ADK: variants seen among roughly 807,000 people sequenced by gnomAD.
The protein encoded by ADK is N6,N6-dimethyladenosine kinase.
In ADK, 24 loss-of-function variants were observed where a neutral mutation model predicts 44.7. That is an observed-to-expected ratio of 0.54 (90% confidence interval 0.39 to 0.76). ADK has a LOEUF of 0.76. ADK is among the 30% of genes least tolerant of loss of function. The pLI is 0.00. For synonymous variants in ADK, 128 were observed against 142.6 expected (o/e 0.90, Z 0.73); for missense variants, 321 against 425.1 (o/e 0.76, Z 2.15).
At chr10:74,172,182 A>G (rs1442685054) in intron 1 of ADK, among the ~76,000 whole-genome samples, 2 of 137,492 alleles carry the variant, frequency 1.5e-5, no homozygotes, top group East Asian at 4.2e-4. Flanking sequence ...TCTATCTCTC[A>G]GGCTAGATTG....
chr10:74,662,263 C>G (rs2134172432), intron 9 of ADK, among the ~76,000 whole-genome samples: 1 of 152,200 alleles, frequency 6.6e-6, no homozygotes, highest in African/African-American at 2.4e-5. Flanking sequence ...AGTCCATTGT[C>G]CGTTCTCTAT....
rs545229612 is a variant in ADK, at chr10:74,428,997, T to C, written c.555+30418T>C. Among the ~76,000 whole-genome samples the C allele has an allele frequency of 9.2e-5, 14 of 152,256 alleles. No homozygotes were observed. In the South Asian group the frequency reaches 2.9e-3, roughly 32 times the overall value. On this transcript the variant is annotated intron_variant, in intron 6 of 10. Transcript: ENST00000539909. ...TGCATACATACAGAAAAAGAAAGAA[T>C]ACAACTGAACATAGATGATAAAGAA...
intron 2 of ADK, among the ~76,000 whole-genome samples, chr10:74,210,503 C>T (rs778143218): frequency 1.3e-5 from 2 of 151,474 alleles, no homozygotes; most frequent in East Asian, 1.9e-4. Context: ...CTAAAATGCC[C>T]GAAGTAGCTG....
chr10:74,196,454 C>A (rs144615411), intron 1 of ADK, among the ~76,000 whole-genome samples: 1 of 152,046 alleles, frequency 6.6e-6, no homozygotes, highest in African/African-American at 2.4e-5. Context: ...GCAGGAGAAT[C>A]GCTTGAACCT....
At chr10:74,372,139 A>T in intron 4 of ADK, 1 of 750,520 alleles carries the variant, frequency 1.3e-6, no homozygotes, top group Non-Finnish European at 2.4e-6. Context: ...CCTGATCTCT[A>T]CAGAGATCCT....
chr10:74,431,633 C>A (rs530938440), intron 6 of ADK, among the ~76,000 whole-genome samples: 1 of 151,910 alleles, frequency 6.6e-6, no homozygotes, highest in Admixed American at 6.6e-5. Context: ...CTCAGTTGCT[C>A]GGGAGGCTGA....
At chr10:74,488,590 T>A (rs947818978) in intron 6 of ADK, among the ~76,000 whole-genome samples, 1 of 150,586 alleles carries the variant, frequency 6.6e-6, no homozygotes, top group African/African-American at 2.4e-5. Context: ...CTTTTGTGAG[T>A]TTTTTTCCTT....
chr10:74,676,809 A>G (rs1255547745), intron 10 of ADK, among the ~76,000 whole-genome samples: 1 of 152,196 alleles, frequency 6.6e-6, no homozygotes, highest in African/African-American at 2.4e-5. Context: ...CTTTATTTTA[A>G]AAATCCTCAC....
At chr10:74,209,889 A>G (rs1260740394) in intron 2 of ADK, among the ~76,000 whole-genome samples, 1 of 152,164 alleles carries the variant, frequency 6.6e-6, no homozygotes, top group Non-Finnish European at 1.5e-5. Flanking sequence ...GGAGGTATGT[A>G]TTAATAGGGA....
chr10:74,670,639 AG>A (rs1335609960), intron 10 of ADK, among the ~76,000 whole-genome samples: 1 of 152,204 alleles, frequency 6.6e-6, no homozygotes, highest in Admixed American at 6.5e-5. Context: ...AATATTAAAC[AG>A]TATGCTAATA....
chr10:74,223,427 GTCAAATAT>G (rs898818939), intron 2 of ADK, among the ~76,000 whole-genome samples: 1 of 152,192 alleles, frequency 6.6e-6, no homozygotes, highest in African/African-American at 2.4e-5. Flanking sequence ...TTTGAGGGGG[GTCAAATAT>G]TCAAACCATA....
chr10:74,460,836 C>G (rs762067239), intron 6 of ADK, among the ~76,000 whole-genome samples: 4 of 152,100 alleles, frequency 2.6e-5, no homozygotes, highest in Non-Finnish European at 5.9e-5. Context: ...TTACAAATAG[C>G]TTAAGAAAAT....
intron 3 of ADK, among the ~76,000 whole-genome samples, chr10:74,262,385 G>A (rs1418297828): frequency 6.6e-6 from 1 of 150,598 alleles, no homozygotes; most frequent in Non-Finnish European, 1.5e-5. Context: ...ATATAATTGT[G>A]CCAGTTCTTC....
Position 74,391,652 on chromosome 10 carries a change from TACACACAC to T in ADK, c.274-2451_274-2444del, listed in dbSNP as rs71475280. Among the ~76,000 whole-genome samples, 339 of 74,294 alleles carry T rather than the reference TACACACAC, an allele frequency of 4.6e-3. 1 individual carries two copies. The highest frequency in any genetic ancestry group is 0.023 in the Middle Eastern group (3 of 132). The allele number at this position is 74,294 out of a possible 152,430, so 48.7% of individuals were successfully genotyped here. A position where few individuals can be genotyped will look rare whatever the true frequency, so the allele number is the denominator to read the frequency against. ...AATTCAGGAGTTCGAGGCAAGAATA[TACACACAC>T]ACACACACACACACACACACACACA... On this transcript the variant is annotated intron_variant, in intron 4 of 10. Coordinates refer to ENST00000539909, the MANE Select transcript of ADK (RefSeq NM_006721.4).
intron 5 of ADK, among the ~76,000 whole-genome samples, chr10:74,396,746 G>T (rs1044454125): frequency 2.2e-5 from 2 of 89,320 alleles, no homozygotes; most frequent in Non-Finnish European, 6.8e-5. Flanking sequence ...TTGAGGCCAG[G>T]AGTTTGAGAC....
At chr10:74,574,347 T>C (rs1246878687) in intron 7 of ADK, among the ~76,000 whole-genome samples, 2 of 152,064 alleles carry the variant, frequency 1.3e-5, no homozygotes, top group Non-Finnish European at 2.9e-5. Flanking sequence ...ATTTTTGTAT[T>C]TTTAGTAGAG....
At chr10:74,422,248 ACAT>A (rs1189038362) in intron 6 of ADK, among the ~76,000 whole-genome samples, 1 of 152,232 alleles carries the variant, frequency 6.6e-6, no homozygotes, top group Non-Finnish European at 1.5e-5. Context: ...CATTAGGAAA[ACAT>A]CAGACAAATC....
At chr10:74,451,732 TG>T (rs553456795) in intron 6 of ADK, among the ~76,000 whole-genome samples, 78 of 152,230 alleles carry the variant, frequency 5.1e-4, no homozygotes, top group African/African-American at 1.6e-3. Context: ...TTGGCATAAA[TG>T]GATGTAATTC....
At chr10:74,597,044 A>T (rs780977855) in intron 8 of ADK, among the ~76,000 whole-genome samples, 2 of 152,198 alleles carry the variant, frequency 1.3e-5, no homozygotes, top group African/African-American at 4.8e-5. Flanking sequence ...TTCGTTATAG[A>T]TACTATAATT....
Sources: allele counts gnomAD v4.1 joint callset (sites outside exome capture counted in the v4.1 genomes callset), GRCh38; gene constraint gnomAD v4.1.1; transcripts MANE v1.5; gene names NCBI Gene and HGNC (gene_info 2026-07-23, HGNC 2026-07-21).